RBFOX1: variants seen among roughly 807,000 people sequenced by gnomAD.
The protein encoded by RBFOX1 is RNA binding fox-1 homolog 1.
A neutral mutation model predicts 57.7 loss-of-function variants in RBFOX1; 8 were observed. The ratio of observed to expected loss-of-function variants is 0.14; its 90% CI spans 0.08 to 0.25. RBFOX1 has a LOEUF of 0.25. Among genes scored for constraint, RBFOX1 ranks in the 10% least tolerant of loss-of-function variants. RBFOX1 has a pLI of 1.00. For missense variants in RBFOX1, 611 were observed against 548.5 expected, an observed-to-expected ratio of 1.11 and a Z score of -1.14; for synonymous variants, 326 against 222.4, an observed-to-expected ratio of 1.47 and a Z score of -4.15.
In RBFOX1 at chr16:6,125,408, G is replaced by C. The variant is rs183956112; in HGVS notation, c.-127+105416G>C. 2.2e-3 allele frequency among the ~76,000 whole-genome samples: 329 copies of C among 152,296 alleles called. 4 individuals are homozygous for C. Among genetic ancestry groups the C allele is most frequent in the Non-Finnish European group, 5.1e-4 (35 of 68,024 alleles). On this transcript the variant is annotated intron_variant, in intron 1 of 15. Coordinates refer to ENST00000550418, the MANE Select transcript of RBFOX1 (RefSeq NM_018723.4). ...GAATGCTCTTGTTTGCCAGGGCCAG[G>C]AGAGAGCATCTTGTTTGTCTGCTTT...
intron 1 of RBFOX1, among the ~76,000 whole-genome samples, chr16:5,254,719 G>A (rs2062541482): frequency 6.6e-6 from 1 of 152,198 alleles, no homozygotes. Flanking sequence ...CGTTTAGTGA[G>A]GGCTGGATTG....
At chr16:6,628,412 T>G (rs895717231) in intron 2 of RBFOX1, among the ~76,000 whole-genome samples, 3 of 152,240 alleles carry the variant, frequency 2.0e-5, no homozygotes, top group Admixed American at 6.5e-5. Flanking sequence ...TGCAGATGTA[T>G]ATGTATGAGG....
chr16:6,523,224 A>T (rs1287691532), intron 2 of RBFOX1, among the ~76,000 whole-genome samples: 1 of 152,132 alleles, frequency 6.6e-6, no homozygotes, highest in Admixed American at 6.6e-5. Flanking sequence ...GATAAAGAGC[A>T]AGTACTTGGG....
chr16:5,874,875 G>A (rs2057565166), intron 4 of RBFOX1, among the ~76,000 whole-genome samples: 1 of 152,150 alleles, frequency 6.6e-6, no homozygotes, highest in Admixed American at 6.5e-5. Context: ...GGACCCAGGA[G>A]TTTGAGGCTG....
intron 1 of RBFOX1, among the ~76,000 whole-genome samples, chr16:6,164,581 C>T: frequency 6.6e-6 from 1 of 151,886 alleles, no homozygotes; most frequent in East Asian, 1.9e-4. Context: ...ATTCTCATGC[C>T]TCAGCCTCCC....
At chr16:6,747,276 G>T (rs1192152477) in intron 3 of RBFOX1, among the ~76,000 whole-genome samples, 2 of 152,102 alleles carry the variant, frequency 1.3e-5, no homozygotes, top group Non-Finnish European at 2.9e-5. Context: ...TGGCATGGTG[G>T]TGTGTTTGAA....
intron 3 of RBFOX1, among the ~76,000 whole-genome samples, chr16:7,003,601 A>C (rs910789719): frequency 1.3e-5 from 2 of 152,230 alleles, no homozygotes; most frequent in Admixed American, 1.3e-4. Context: ...ACCTCTGGAG[A>C]AAAACTAACC....
chr16:6,390,361 C>A (rs1253887390), intron 2 of RBFOX1, among the ~76,000 whole-genome samples: 1 of 152,124 alleles, frequency 6.6e-6, no homozygotes, highest in East Asian at 1.9e-4. Flanking sequence ...TAATACTGAA[C>A]TGAAGGGCTG....
chr16:7,645,175 A>G (rs189856193), intron 11 of RBFOX1, among the ~76,000 whole-genome samples: 43 of 152,248 alleles, frequency 2.8e-4, no homozygotes, highest in South Asian at 6.2e-4. Context: ...AATCAGACCT[A>G]TAACAGCCTA....
intron 3 of RBFOX1, among the ~76,000 whole-genome samples, chr16:5,766,314 C>A (rs556565942): frequency 5.7e-4 from 87 of 151,980 alleles, no homozygotes; most frequent in Middle Eastern, 3.2e-3. Flanking sequence ...GGGCTGGGCA[C>A]GGTGGCTCAC....
rs1460628456 is a variant in RBFOX1, at chr16:5,366,797, C to T, written c.220-100419C>T. On this transcript the variant is annotated intron_variant, in intron 1 of 2. Coordinates refer to the RBFOX1 transcript ENST00000585867. Reference sequence around the variant, plus strand: ...AATGCAGAGTGATAAATTTCCCTATCGTGTTTGATAAATGTTGTCCAGGTT... The same window carrying T: ...AATGCAGAGTGATAAATTTCCCTATTGTGTTTGATAAATGTTGTCCAGGTT... The T allele has an allele frequency of 2.3e-5, 6 of 258,122 alleles. No homozygotes were observed. The East Asian group carries it at 3.7e-4, about 16-fold the overall frequency. 16.0% of individuals were successfully genotyped at this position (258,122 alleles called of 1,614,324 possible). A position where few individuals can be genotyped will look rare whatever the true frequency, so the allele number is the denominator to read the frequency against.
At chr16:5,349,721 T>TTAAAACCTCGTTG (rs564910626) in intron 1 of RBFOX1, among the ~76,000 whole-genome samples, 303 of 152,294 alleles carry the variant, frequency 2.0e-3, no homozygotes, top group African/African-American at 6.5e-3. Flanking sequence ...TTACCTGTTC[T>TTAAAACCTCGTTG]TAAAACCTCG....
intron 3 of RBFOX1, among the ~76,000 whole-genome samples, chr16:6,720,602 G>C (rs2065792537): frequency 6.6e-6 from 1 of 152,182 alleles, no homozygotes; most frequent in African/African-American, 2.4e-5. Context: ...AGAAGTGAGA[G>C]GGGTGCTGCT....
intron 4 of RBFOX1, among the ~76,000 whole-genome samples, chr16:7,242,592 G>A (rs79512040): frequency 0.029 from 4,397 of 152,324 alleles, 95 homozygotes; most frequent in Middle Eastern, 0.058. Context: ...CATTGGCTGA[G>A]AGTAAGCTGA....
At chr16:6,395,734 A>G (rs921055601) in intron 2 of RBFOX1, among the ~76,000 whole-genome samples, 1 of 152,154 alleles carries the variant, frequency 6.6e-6, no homozygotes, top group African/African-American at 2.4e-5. Context: ...TAAATGTGCA[A>G]TTTATTGTGT....
rs374400487 is a variant in RBFOX1 at position 5,725,582 on chromosome 16, C to T, written c.318+126621C>T. On this transcript the variant is annotated intron_variant, in intron 3 of 19. Coordinates refer to the RBFOX1 transcript ENST00000641259. ...CCAGCTCATAGCTTAAGATATGTTT[C>T]TATCACCAAGGCTCTCTCTGTAGCC... Among the ~76,000 whole-genome samples the T allele has an allele frequency of 2.0e-5, 3 of 151,540 alleles. No homozygotes were observed. The East Asian group carries it at 5.9e-4, about 30-fold the overall frequency.
intron 4 of RBFOX1, among the ~76,000 whole-genome samples, chr16:7,268,287 G>C (rs151031693): frequency 6.6e-6 from 1 of 152,130 alleles, no homozygotes; most frequent in Non-Finnish European, 1.5e-5. Flanking sequence ...AAATATTTTG[G>C]GTGCTATTCA....
At chr16:6,719,418 A>G (rs1396965459) in intron 3 of RBFOX1, among the ~76,000 whole-genome samples, 2 of 151,438 alleles carry the variant, frequency 1.3e-5, no homozygotes, top group Non-Finnish European at 2.9e-5. Flanking sequence ...GTTTTAAAGC[A>G]TAGTTTCCTC....
intron 3 of RBFOX1, among the ~76,000 whole-genome samples, chr16:5,830,586 G>A (rs1384078855): frequency 6.6e-6 from 1 of 152,126 alleles, no homozygotes; most frequent in Non-Finnish European, 1.5e-5. Context: ...GGTGTCAGTA[G>A]CCAGCAGATG....
Sources: allele counts gnomAD v4.1 joint callset (sites outside exome capture counted in the v4.1 genomes callset), GRCh38; gene constraint gnomAD v4.1.1; transcripts MANE v1.5; gene names NCBI Gene and HGNC (gene_info 2026-07-23, HGNC 2026-07-21).